HEMK2: variants seen among roughly 807,000 people sequenced by gnomAD.
HEMK2 encodes methyltransferase HEMK2.
the HEMK2 span, among the ~76,000 whole-genome samples, chr21:28,647,370 T>C: frequency 5.1e-5 from 7 of 137,128 alleles, no homozygotes; most frequent in African/African-American, 1.9e-4. Flanking sequence ...TAGCTGGGCA[T>C]GGTGGCACGT....
the HEMK2 span, among the ~76,000 whole-genome samples, chr21:28,640,995 T>G: frequency 6.6e-6 from 1 of 152,234 alleles, no homozygotes; most frequent in Non-Finnish European, 1.5e-5. Flanking sequence ...TATTGGGCTT[T>G]TAGTAAAAAT....
chr21:28,626,983 T>C, the HEMK2 span, among the ~76,000 whole-genome samples: 1 of 152,116 alleles, frequency 6.6e-6, no homozygotes, highest in Non-Finnish European at 1.5e-5. Context: ...CTACAAGCAA[T>C]CCAAATGTAC....
the HEMK2 span, among the ~76,000 whole-genome samples, chr21:28,860,996 G>A: frequency 1.5e-3 from 231 of 152,334 alleles, no homozygotes; most frequent in African/African-American, 5.3e-3. Context: ...AAGGCTTAGG[G>A]AAATTGGCAT....
chr21:28,580,688 C>T, the HEMK2 span, among the ~76,000 whole-genome samples: 2 of 152,162 alleles, frequency 1.3e-5, no homozygotes, highest in Non-Finnish European at 2.9e-5. Context: ...ACTACACACT[C>T]AGCCTCCTCC....
the HEMK2 span, among the ~76,000 whole-genome samples, chr21:28,636,671 T>G: frequency 6.6e-6 from 1 of 152,174 alleles, no homozygotes; most frequent in African/African-American, 2.4e-5. Flanking sequence ...TACTTTTTTG[T>G]CCGGAGTTAA....
chr21:28,842,249 T>C, the HEMK2 span, among the ~76,000 whole-genome samples: 1 of 152,142 alleles, frequency 6.6e-6, no homozygotes, highest in Non-Finnish European at 1.5e-5. Context: ...TTACATTATT[T>C]ATTCATATAA....
the HEMK2 span, among the ~76,000 whole-genome samples, chr21:28,593,205 T>C: frequency 4.6e-5 from 7 of 152,004 alleles, no homozygotes; most frequent in Admixed American, 4.6e-4. Flanking sequence ...TCAAAAAAAA[T>C]ACATACATTA....
the HEMK2 span, among the ~76,000 whole-genome samples, chr21:28,638,101 G>C: frequency 6.6e-6 from 1 of 152,146 alleles, no homozygotes; most frequent in Non-Finnish European, 1.5e-5. Context: ...TAAGCAGAGG[G>C]AACACAACGA....
chr21:28,837,102 C>T, the HEMK2 span, among the ~76,000 whole-genome samples: 27 of 152,230 alleles, frequency 1.8e-4, 1 homozygote, highest in South Asian at 1.0e-3. Context: ...TAGTGGGGGA[C>T]GTCAGCATTC....
chr21:28,730,418 A>ATAATTTAT, the HEMK2 span, among the ~76,000 whole-genome samples: 2 of 142,184 alleles, frequency 1.4e-5, no homozygotes, highest in African/African-American at 5.3e-5. Flanking sequence ...ACACACACAC[A>ATAATTTAT]TTTCTCACAA....
chr21:28,764,614 T>G, the HEMK2 span, among the ~76,000 whole-genome samples: 1 of 152,116 alleles, frequency 6.6e-6, no homozygotes, highest in East Asian at 1.9e-4. Context: ...CTCAGCATCT[T>G]CAGGAGAGAA....
the HEMK2 span, among the ~76,000 whole-genome samples, chr21:28,631,797 T>TAA: frequency 3.4e-5 from 5 of 147,856 alleles, no homozygotes; most frequent in Non-Finnish European, 7.5e-5. Context: ...AAGACTTTGT[T>TAA]AAAAAAAAAA....
At chr21:28,803,052 G>A in the HEMK2 span, among the ~76,000 whole-genome samples, 2 of 152,252 alleles carry the variant, frequency 1.3e-5, no homozygotes, top group South Asian at 4.2e-4. Flanking sequence ...TCTAAGAATG[G>A]GTCAGGCACC....
chr21:28,754,634 T>TTTGTCTA, the HEMK2 span, among the ~76,000 whole-genome samples: 1 of 152,302 alleles, frequency 6.6e-6, no homozygotes, highest in Non-Finnish European at 1.5e-5. Flanking sequence ...ATTCTTGTTG[T>TTTGTCTA]TTGTCTATTT....
chr21:28,762,429 TA>T, the HEMK2 span, among the ~76,000 whole-genome samples: 7 of 136,948 alleles, frequency 5.1e-5, no homozygotes, highest in African/African-American at 2.4e-4. Flanking sequence ...CAGCCCACTA[TA>T]AAAACAAGGC....
chr21:28,877,247 A>G, the HEMK2 span, among the ~76,000 whole-genome samples: 2 of 134,060 alleles, frequency 1.5e-5, no homozygotes, highest in African/African-American at 2.9e-5. Flanking sequence ...AAGGGAAGGG[A>G]AGGGAAGAGA....
chr21:28,624,593 T>C, the HEMK2 span, among the ~76,000 whole-genome samples: 1 of 152,248 alleles, frequency 6.6e-6, no homozygotes, highest in Middle Eastern at 3.4e-3. Flanking sequence ...CCTAAGACAA[T>C]AGTCTGTTTT....
At chr21:28,660,625 T>C in the HEMK2 span, among the ~76,000 whole-genome samples, 1 of 152,000 alleles carries the variant, frequency 6.6e-6, no homozygotes, top group Non-Finnish European at 1.5e-5. Context: ...TTAATTGTGG[T>C]GTAATATATT....
At chr21:28,667,887 T>C in the HEMK2 span, among the ~76,000 whole-genome samples, 100 of 152,286 alleles carry the variant, frequency 6.6e-4, no homozygotes, top group African/African-American at 2.2e-3. Flanking sequence ...AATGAATTAA[T>C]ACATGGAAAG....
Sources: allele counts gnomAD v4.1 joint callset (sites outside exome capture counted in the v4.1 genomes callset), GRCh38; gene constraint gnomAD v4.1.1; transcripts MANE v1.5; gene names NCBI Gene and HGNC (gene_info 2026-07-23, HGNC 2026-07-21).